Variants in ZBTB20 observed in about 807,000 individuals in gnomAD.
ZBTB20 encodes the protein zinc finger and BTB domain containing 20, also known as zinc finger and BTB domain-containing protein 20.
In ZBTB20, 9 loss-of-function variants were observed where a neutral mutation model predicts 56.9. The ratio of observed to expected loss-of-function variants is 0.16; its 90% CI spans 0.10 to 0.28. The LOEUF is 0.28. Ranked by LOEUF, ZBTB20 falls within the 10% of genes least tolerant of loss-of-function variation. The pLI, the probability that ZBTB20 is intolerant of heterozygous loss-of-function variation, is 1.00. For missense variants in ZBTB20, 655 were observed against 1,003.0 expected (o/e 0.65, Z 4.69); for synonymous variants, 417 against 420.7 (o/e 0.99, Z 0.11).
At chr3:114,844,539 AAAAAAAAAAAAAACTT>A (rs1560313266) in intron 4 of ZBTB20, among the ~76,000 whole-genome samples, 2 of 142,098 alleles carry the variant, frequency 1.4e-5, no homozygotes, top group African/African-American at 5.2e-5. Context: ...AAAAAAAAAA[AAAAAAAAAAAAAACTT>A]TCATTTCTCT....
At chr3:114,498,185 C>T (rs1405855833) in intron 7 of ZBTB20, among the ~76,000 whole-genome samples, 1 of 152,178 alleles carries the variant, frequency 6.6e-6, no homozygotes, top group Non-Finnish European at 1.5e-5. Context: ...GTGCTACCTG[C>T]TTCAAGGTAG....
At chr3:114,465,841 C>A (rs574676888) in intron 7 of ZBTB20, among the ~76,000 whole-genome samples, 1 of 152,208 alleles carries the variant, frequency 6.6e-6, no homozygotes, top group East Asian at 1.9e-4. Flanking sequence ...GACAGGTATT[C>A]CCTGTGGCAG....
intron 2 of ZBTB20, among the ~76,000 whole-genome samples, chr3:115,047,435 C>A (rs1450516648): frequency 6.6e-6 from 1 of 152,164 alleles, no homozygotes; most frequent in Non-Finnish European, 1.5e-5. Flanking sequence ...ATCCTCACAC[C>A]TCCATGTTCA....
At chr3:115,135,055 T>C (rs1363037805) in intron 1 of ZBTB20, among the ~76,000 whole-genome samples, 1 of 152,240 alleles carries the variant, frequency 6.6e-6, no homozygotes, top group East Asian at 1.9e-4. Context: ...CCTACAGGAG[T>C]TCACAAACCT....
intron 7 of ZBTB20, among the ~76,000 whole-genome samples, chr3:114,458,105 G>A (rs2092128687): frequency 6.6e-6 from 1 of 152,102 alleles, no homozygotes; most frequent in Non-Finnish European, 1.5e-5. Flanking sequence ...ATGGATGAAG[G>A]GAAGAGTGCT....
chr3:115,026,836 A>G (rs532988352), intron 2 of ZBTB20, among the ~76,000 whole-genome samples: 1 of 150,862 alleles, frequency 6.6e-6, no homozygotes, highest in South Asian at 2.1e-4. Context: ...CGGGAGGAAA[A>G]TAGAATAAAA....
intron 6 of ZBTB20, among the ~76,000 whole-genome samples, chr3:114,566,007 T>TTTTTTC (rs2052690764): frequency 6.8e-6 from 1 of 146,448 alleles, no homozygotes. Context: ...ATTTTTTCTT[T>TTTTTTC]TTTTTTCTTT....
In ZBTB20 at chr3:114,894,476, G is replaced by C. The variant is rs560947830; in HGVS notation, c.-417+5828C>G. ...CCCCAACCCCTCCAAAAAAAAACATGTGTTGGAGTTCTAACCCCAAGTACT... is the reference window on the plus strand; with the variant it reads ...CCCCAACCCCTCCAAAAAAAAACATCTGTTGGAGTTCTAACCCCAAGTACT... On this transcript the variant is annotated intron_variant, in intron 4 of 11. Transcript: ENST00000675478. 2.0e-5 allele frequency among the ~76,000 whole-genome samples: 3 copies of C among 152,218 alleles called. No individual in the cohort carries two copies. The East Asian group carries it at 5.8e-4, about 29-fold the overall frequency.
intron 2 of ZBTB20, among the ~76,000 whole-genome samples, chr3:115,026,019 G>C (rs2080408164): frequency 6.6e-6 from 1 of 150,824 alleles, no homozygotes; most frequent in Non-Finnish European, 1.5e-5. Flanking sequence ...ATTAAAGCTT[G>C]GATTAATAGA....
intron 8 of ZBTB20, among the ~76,000 whole-genome samples, chr3:114,384,553 A>G (rs2084852658): frequency 6.6e-6 from 1 of 152,178 alleles, no homozygotes; most frequent in Non-Finnish European, 1.5e-5. Flanking sequence ...ACATCTCTCA[A>G]TTGTCCAAGG....
chr3:114,361,709 G>T (rs2081907957), intron 10 of ZBTB20, among the ~76,000 whole-genome samples: 2 of 152,340 alleles, frequency 1.3e-5, no homozygotes, highest in South Asian at 2.1e-4. Flanking sequence ...GAATTGGATA[G>T]CATTACTGGA....
rs372723817 is a variant in ZBTB20 at position 114,753,361 on chromosome 3, A to ACACAC, written c.-343+47739_-343+47740insGTGTG. Among the ~76,000 whole-genome samples the ACACAC allele has an allele frequency of 3.5e-5, 5 of 144,890 alleles. 1 individual carries two copies. Among genetic ancestry groups the ACACAC allele is most frequent in the Admixed American group, 7.1e-5 (1 of 14,108 alleles). On this transcript the variant is annotated intron_variant, in intron 5 of 11. Coordinates refer to ENST00000675478, the MANE Select transcript of ZBTB20 (RefSeq NM_001348800.3). ...ATGTATATATGTATACATTATATAT[A>ACACAC]ATGTATATATAATGTATATACACAT...
rs2084695963 is a variant in ZBTB20, at chr3:115,137,938, T to G, written c.-703+9281A>C. Among the ~76,000 whole-genome samples, 4 of 152,224 alleles carry G rather than the reference T, an allele frequency of 2.6e-5. No individual in the cohort carries two copies. The South Asian group carries it at 8.3e-4, about 32-fold the overall frequency. ...TTACTGCCTAACTCTAGGTTAGGAC[T>G]GATGATCATGTTTTTGTGCCAAAAG... On this transcript the variant is annotated intron_variant, in intron 1 of 11. Transcript: ENST00000675478.
chr3:114,771,045 T>A (rs1173998491), intron 5 of ZBTB20, among the ~76,000 whole-genome samples: 1 of 152,226 alleles, frequency 6.6e-6, no homozygotes, highest in African/African-American at 2.4e-5. Flanking sequence ...GATTTTACTT[T>A]GCAATTATGA....
chr3:115,086,840 A>C (rs1198762323), intron 1 of ZBTB20, among the ~76,000 whole-genome samples: 2 of 151,872 alleles, frequency 1.3e-5, no homozygotes, highest in Non-Finnish European at 2.9e-5. Context: ...CTGGTAACCG[A>C]GTAAAACTCA....
At chr3:115,137,080 TC>T (rs1408448982) in intron 1 of ZBTB20, among the ~76,000 whole-genome samples, 1 of 152,104 alleles carries the variant, frequency 6.6e-6, no homozygotes, top group East Asian at 1.9e-4. Context: ...CAGTGATGTA[TC>T]CATTTGAATT....
rs140344532 is a variant in ZBTB20, at chr3:115,064,387, G to A, written c.-507+6832C>T. 2.7e-5 allele frequency among the ~76,000 whole-genome samples: 4 copies of A among 147,636 alleles called. No individual in the cohort carries two copies. The East Asian group carries it at 8.0e-4, about 30-fold the overall frequency. On this transcript the variant is annotated intron_variant, in intron 2 of 11. Coordinates refer to ENST00000675478, the MANE Select transcript of ZBTB20 (RefSeq NM_001348800.3). ...AAAAATGTTTTTTCTACCCTTATAC[G>A]TAATTGGTAGTTTGGGTGTAGAATT...
chr3:115,139,904 T>A (rs2084762867), intron 1 of ZBTB20, among the ~76,000 whole-genome samples: 1 of 152,032 alleles, frequency 6.6e-6, no homozygotes, highest in Admixed American at 6.6e-5. Flanking sequence ...TTATAAGTAC[T>A]TAATATCATA....
intron 6 of ZBTB20, among the ~76,000 whole-genome samples, chr3:114,540,519 T>A (rs1021407105): frequency 6.6e-6 from 1 of 152,098 alleles, no homozygotes; most frequent in Admixed American, 6.6e-5. Flanking sequence ...CTGGCACTTG[T>A]GGGATGCTGT....
Sources: allele counts gnomAD v4.1 joint callset (sites outside exome capture counted in the v4.1 genomes callset), GRCh38; gene constraint gnomAD v4.1.1; transcripts MANE v1.5; gene names NCBI Gene and HGNC (gene_info 2026-07-23, HGNC 2026-07-21).